ZNF680: variants seen among roughly 807,000 people sequenced by gnomAD.
The protein encoded by ZNF680 is hypothetical protein FLJ90430.
In ZNF680, 6 loss-of-function variants were observed where a neutral mutation model predicts 12.1. The ratio of observed to expected loss-of-function variants is 0.49; its 90% CI spans 0.27 to 0.98. The LOEUF (loss-of-function observed/expected upper bound fraction) is 0.98, where lower values mean the gene tolerates loss of function less well. Among genes scored for constraint, ZNF680 ranks in the 50% least tolerant of loss-of-function variants. ZNF680 has a pLI of 0.12. For missense variants in ZNF680, 561 were observed against 616.3 expected (o/e 0.91, Z 0.95); for synonymous variants, 170 against 199.3 (o/e 0.85, Z 1.24).
the ZNF680 span, among the ~76,000 whole-genome samples, chr7:64,511,178 G>C: frequency 2.0e-5 from 3 of 151,918 alleles, no homozygotes; most frequent in South Asian, 6.2e-4. Flanking sequence ...GCTAAGGCAG[G>C]AGAATTGCTG....
chr7:64,544,528 A>G, intron 1 of ZNF680, 96 bp from the exon 2 acceptor site: 9 of 1,512,472 alleles, frequency 6.0e-6, no homozygotes, highest in Non-Finnish European at 8.0e-6. Flanking sequence ...AAGGCAAAGT[A>G]AGACAGTATA....
intron 1 of ZNF680, among the ~76,000 whole-genome samples, chr7:64,559,145 T>C (rs1787584558): frequency 6.6e-6 from 1 of 152,218 alleles, no homozygotes; most frequent in African/African-American, 2.4e-5. Flanking sequence ...AGTAAGCATG[T>C]GAAATTACAG....
chr7:64,500,316 A>G, the ZNF680 span, among the ~76,000 whole-genome samples: 1 of 152,210 alleles, frequency 6.6e-6, no homozygotes, highest in East Asian at 1.9e-4. Context: ...AGGAAAAAAG[A>G]TATAAAAACA....
In ZNF680 at chr7:64,562,879, C is replaced by CA. The variant is rs771264309; in HGVS notation, c.30+45dup. Reference sequence around the variant, plus strand: ...TGCCACAGCCACTTCCGACCGGTTCCAACCAGCCCCTCCCCCTCTCTCGGG... The same window carrying CA: ...TGCCACAGCCACTTCCGACCGGTTCCAAACCAGCCCCTCCCCCTCTCTCGGG... On this transcript the variant is annotated intron_variant, in intron 1 of 3. Transcript: ENST00000309683. The CA allele has an allele frequency of 7.4e-6, 12 of 1,612,170 alleles. No homozygotes were observed. The South Asian group carries it at 1.3e-4, about 18-fold the overall frequency.
chr7:64,560,822 A>C (rs1787693165), intron 1 of ZNF680: 1 of 152,034 alleles, frequency 6.6e-6, no homozygotes, highest in African/African-American at 2.4e-5. Flanking sequence ...AAAAAAAAAA[A>C]ATTACCCAGC....
At position 64,522,320 on chromosome 7, in the gene ZNF680, C is replaced by T. The variant is rs776874015; in HGVS notation, c.434G>A (p.Cys145Tyr). The change falls in exon 4 of 4, where the codon TGT (cysteine) becomes TAT (tyrosine). Residue 145 changes from cysteine (C) to tyrosine (Y), a missense_variant. Physicochemically the swap from Cys to Tyr is radical, Grantham distance 194 (BLOSUM62 -2). Transcript: ENST00000309683. The part of the protein sequence containing the change: ...FKEGYNELNQ[C>Y]LRTTQSKIFQ... ...TATTTTGCTCTGGGTAGTTCTCAAA[C>T]ATTGGTTAAGTTCATTATAACCTTC... 2.0e-5 allele frequency: 32 copies of T among 1,612,912 alleles called. No individual in the cohort carries two copies. The highest frequency in any genetic ancestry group is 2.7e-5 in the Non-Finnish European group (32 of 1,179,382).
At chr7:64,512,067 A>T in the ZNF680 span, among the ~76,000 whole-genome samples, 2,869 of 151,968 alleles carry the variant, frequency 0.019, 108 homozygotes, top group African/African-American at 0.065. Context: ...CTCCAAAAAA[A>T]AAAAAGCACT....
chr7:64,516,093 A>G (rs1791349083), downstream of ZNF680, among the ~76,000 whole-genome samples: 1 of 152,200 alleles, frequency 6.6e-6, no homozygotes, highest in South Asian at 2.1e-4. Flanking sequence ...TTCCTAGTCC[A>G]TAATAACCCT....
chr7:64,521,577 G>A lies in ZNF680; in HGVS notation c.1177C>T (p.Leu393Phe), dbSNP rs1320108347. Residue 393 changes from leucine (L) to phenylalanine (F), a missense_variant, in exon 4 of 4, where the codon CTT (leucine) becomes TTT (phenylalanine). Transcript: ENST00000309683. ...GTATGAATTCTCATATGTTCAGTAA[G>A]GTTTGAGGACTGTATAAAAGCTTTG... ...CGKAFIQSSN[L>F]TEHMRIHTGE... is the part of the protein sequence containing the mutation. 1.2e-6 allele frequency: 2 copies of A among 1,612,532 alleles called. No individual in the cohort carries two copies. The highest frequency in any genetic ancestry group is 1.7e-6 in the Non-Finnish European group (2 of 1,179,668).
At chr7:64,533,987 T>A (rs1786025906) in intron 3 of ZNF680, among the ~76,000 whole-genome samples, 1 of 152,302 alleles carries the variant, frequency 6.6e-6, no homozygotes, top group South Asian at 2.1e-4. Flanking sequence ...ACTGGATCTT[T>A]ATCTCTCACC....
chr7:64,519,384 T>C (rs570360118), downstream of ZNF680, among the ~76,000 whole-genome samples: 4 of 152,036 alleles, frequency 2.6e-5, no homozygotes, highest in African/African-American at 9.6e-5. Flanking sequence ...TTTACACTTC[T>C]GGTGTGAATG....
the ZNF680 span, among the ~76,000 whole-genome samples, chr7:64,511,591 C>CA: frequency 1.3e-5 from 2 of 150,254 alleles, no homozygotes; most frequent in African/African-American, 4.9e-5. Flanking sequence ...AACAAACAAA[C>CA]AAACAAAAAA....
intron 3 of ZNF680, among the ~76,000 whole-genome samples, chr7:64,523,678 C>T (rs1169474764): frequency 6.6e-6 from 1 of 152,034 alleles, no homozygotes; most frequent in East Asian, 1.9e-4. Context: ...CTTTGGGAGG[C>T]CGAGGCGGGC....
rs185319730 is a variant in ZNF680, at chr7:64,543,895, T to C, written c.158-93A>G. ...TCAGTAAAGAGAATGTCATAGCATA[T>C]TCTAGTAAATTAATCCCAAATTACT... On this transcript the variant is annotated intron_variant, in intron 2 of 3. Coordinates refer to ENST00000309683, the MANE Select transcript of ZNF680 (RefSeq NM_178558.5). 486 of 1,029,914 alleles carry C rather than the reference T, an allele frequency of 4.7e-4. No individual in the cohort carries two copies. The African/African-American group carries it at 6.8e-3, about 14-fold the overall frequency. 63.8% of individuals were successfully genotyped at this position (1,029,914 alleles called of 1,614,324 possible).
chr7:64,540,198 A>G (rs1786423809), intron 3 of ZNF680, among the ~76,000 whole-genome samples: 1 of 152,154 alleles, frequency 6.6e-6, no homozygotes, highest in Non-Finnish European at 1.5e-5. Flanking sequence ...ATCAGCTAAG[A>G]AAGAATACCT....
chr7:64,505,468 C>G, the ZNF680 span, among the ~76,000 whole-genome samples: 1 of 152,142 alleles, frequency 6.6e-6, no homozygotes, highest in Non-Finnish European at 1.5e-5. Flanking sequence ...AAGTTCAATT[C>G]TAGGAGGGTA....
chr7:64,519,049 A>C (rs1435032909), downstream of ZNF680, among the ~76,000 whole-genome samples: 1 of 152,048 alleles, frequency 6.6e-6, no homozygotes, highest in African/African-American at 2.4e-5. Flanking sequence ...CAGAGTTAAC[A>C]GACAACCCAC....
chr7:64,504,646 G>A, the ZNF680 span, among the ~76,000 whole-genome samples: 1 of 152,128 alleles, frequency 6.6e-6, no homozygotes, highest in Admixed American at 6.6e-5. Context: ...CATTCTCAGT[G>A]CCCAGTATTC....
intron 1 of ZNF680, among the ~76,000 whole-genome samples, chr7:64,549,429 G>A (rs982219633): frequency 6.6e-6 from 1 of 152,174 alleles, no homozygotes; most frequent in Non-Finnish European, 1.5e-5. Context: ...ACTCTCAAAA[G>A]GGAACTTTAA....
Sources: allele counts gnomAD v4.1 joint callset (sites outside exome capture counted in the v4.1 genomes callset), GRCh38; gene constraint gnomAD v4.1.1; transcripts MANE v1.5; gene names NCBI Gene and HGNC (gene_info 2026-07-23, HGNC 2026-07-21).